The following ALG5 variants were observed in gnomAD, a reference collection of about 807,000 sequenced individuals.
The protein encoded by ALG5 is ALG5 dolichyl-phosphate beta-glucosyltransferase, also known as dolichyl-phosphate beta-glucosyltransferase.
A neutral mutation model predicts 51.8 loss-of-function variants in ALG5; 26 were observed. The observed-to-expected ratio is 0.50, with a 90% CI of 0.37 to 0.70. The LOEUF is 0.70. Among genes scored for constraint, ALG5 ranks in the 30% least tolerant of loss-of-function variants. ALG5 has a pLI of 0.00. For missense variants in ALG5, 311 were observed against 399.3 expected, an observed-to-expected ratio of 0.78 and a Z score of 1.88; for synonymous variants, 141 against 136.1, an observed-to-expected ratio of 1.04 and a Z score of -0.25.
At chr13:36,953,496 T>A (rs2058826902) in intron 8 of ALG5, among the ~76,000 whole-genome samples, 1 of 152,228 alleles carries the variant, frequency 6.6e-6, no homozygotes, top group Non-Finnish European at 1.5e-5. Flanking sequence ...ACCTGTTAAA[T>A]CTTCTTCATC....
intron 1 of ALG5, among the ~76,000 whole-genome samples, chr13:36,997,794 G>A (rs1268175171): frequency 6.6e-6 from 1 of 152,152 alleles, no homozygotes; most frequent in Non-Finnish European, 1.5e-5. Flanking sequence ...ATTCAGAAAG[G>A]AGGTGAGACT....
At chr13:36,955,062 G>A (rs1740366325) in intron 8 of ALG5, among the ~76,000 whole-genome samples, 1 of 152,208 alleles carries the variant, frequency 6.6e-6, no homozygotes, top group South Asian at 2.1e-4. Context: ...CACAGGTGGG[G>A]CTGCAAGTAG....
At chr13:36,986,053 C>T (rs555323937) in intron 5 of ALG5, among the ~76,000 whole-genome samples, 136 of 152,160 alleles carry the variant, frequency 8.9e-4, no homozygotes, top group African/African-American at 3.2e-3. Context: ...ACGGACAGTA[C>T]GTATCATACA....
chr13:36,959,236 G>A (rs1593659779), intron 8 of ALG5, among the ~76,000 whole-genome samples: 1 of 151,964 alleles, frequency 6.6e-6, no homozygotes, highest in East Asian at 1.9e-4. Flanking sequence ...ATGGTCAAAG[G>A]GTACAAAGCC....
At chr13:36,950,105 CA>C in intron 9 of ALG5, 48 bp from the exon 10 acceptor site, 1 of 1,213,488 alleles carries the variant, frequency 8.2e-7, no homozygotes, top group East Asian at 2.4e-5. Flanking sequence ...ATAAACTCAG[CA>C]GAAAACGTAT....
At chr13:36,960,252 T>C (rs924264197) in intron 8 of ALG5, among the ~76,000 whole-genome samples, 1 of 152,172 alleles carries the variant, frequency 6.6e-6, no homozygotes, top group Non-Finnish European at 1.5e-5. Flanking sequence ...GTTCTTAGCA[T>C]CGATTTCCTC....
intron 7 of ALG5, among the ~76,000 whole-genome samples, chr13:36,969,714 T>C (rs2138797060): frequency 6.6e-6 from 1 of 151,960 alleles, no homozygotes; most frequent in Non-Finnish European, 1.5e-5. Flanking sequence ...TTTGTATTTT[T>C]AGTAGAGATG....
chr13:36,960,592 C>T (rs2058861570), intron 8 of ALG5, among the ~76,000 whole-genome samples: 1 of 152,056 alleles, frequency 6.6e-6, no homozygotes, highest in African/African-American at 2.4e-5. Flanking sequence ...GTGCTCACTG[C>T]AGCCTTGACC....
In ALG5 at chr13:36,989,570, A is replaced by G; in HGVS notation, c.361T>C (p.Phe121Leu). The part of the protein sequence containing the change: ...GSKDQTSKVA[F>L]KYCQKYGSDK... ...CTTCCATATTTCTGGCAATATTTAA[A>G]AGCTACCTATGAAATTATATAAAAA... Residue 121 changes from phenylalanine (F) to leucine (L), a missense_variant, in exon 5 of 10, where the codon TTT becomes CTT. Coordinates refer to ENST00000239891, the MANE Select transcript of ALG5 (RefSeq NM_013338.5). The G allele has an allele frequency of 6.2e-7, 1 of 1,604,692 alleles. No homozygotes were observed.
intron 7 of ALG5, among the ~76,000 whole-genome samples, chr13:36,971,410 G>A (rs547370634): frequency 6.6e-6 from 1 of 152,178 alleles, no homozygotes; most frequent in East Asian, 1.9e-4. Flanking sequence ...ACTTTGGGAG[G>A]CTGAGGCAGG....
At chr13:36,995,991 C>G (rs888414974) in intron 1 of ALG5, among the ~76,000 whole-genome samples, 1 of 152,136 alleles carries the variant, frequency 6.6e-6, no homozygotes, top group Non-Finnish European at 1.5e-5. Flanking sequence ...AAGGTCCTAT[C>G]GCTACTTGGA....
intron 6 of ALG5, among the ~76,000 whole-genome samples, chr13:36,983,982 A>C (rs936443052): frequency 6.6e-6 from 1 of 152,102 alleles, no homozygotes; most frequent in African/African-American, 2.4e-5. Flanking sequence ...GGTTTTTGCT[A>C]TAACAGGATC....
At chr13:36,993,532 G>A (rs1247342766) in intron 4 of ALG5, 72 bp downstream of exon 4, 2 of 1,304,680 alleles carry the variant, frequency 1.5e-6, no homozygotes, top group African/African-American at 2.9e-5. Context: ...GTGAATGAAA[G>A]TGAGATTTCA....
chr13:36,956,771 GCAGTCTTACACTGCT>G (rs1214624927), intron 8 of ALG5, among the ~76,000 whole-genome samples: 1 of 152,060 alleles, frequency 6.6e-6, no homozygotes, highest in Non-Finnish European at 1.5e-5. Context: ...TTAAGAGGTG[GCAGTCTTACACTGCT>G]GGGATCATCA....
chr13:36,985,975 G>A (rs2059000195), intron 5 of ALG5, among the ~76,000 whole-genome samples: 1 of 151,966 alleles, frequency 6.6e-6, no homozygotes, highest in African/African-American at 2.4e-5. Flanking sequence ...CAAATATCTT[G>A]GAAAATACCA....
chr13:36,951,603 C>T (rs2058818130), intron 9 of ALG5, among the ~76,000 whole-genome samples: 1 of 152,096 alleles, frequency 6.6e-6, no homozygotes, highest in Non-Finnish European at 1.5e-5. Context: ...AAGGAGAAAA[C>T]TAGAATATGT....
intron 1 of ALG5, among the ~76,000 whole-genome samples, chr13:36,996,182 CA>C (rs2059049343): frequency 6.6e-6 from 1 of 152,202 alleles, no homozygotes; most frequent in Non-Finnish European, 1.5e-5. Flanking sequence ...ATTCAGAATA[CA>C]GCATTTACTG....
chr13:36,956,320 T>C (rs186503416), intron 8 of ALG5, among the ~76,000 whole-genome samples: 2 of 152,240 alleles, frequency 1.3e-5, no homozygotes, highest in African/African-American at 2.4e-5. Flanking sequence ...ATAAAAAAGA[T>C]GACACAACAA....
intron 7 of ALG5, among the ~76,000 whole-genome samples, chr13:36,970,296 G>C (rs373869851): frequency 4.6e-5 from 7 of 152,060 alleles, no homozygotes; most frequent in African/African-American, 1.7e-4. Context: ...TAGACTAGGT[G>C]CTAGTAAAAT....
Sources: gnomAD v4.1 joint callset for allele counts (sites outside exome capture counted in the v4.1 genomes callset) on GRCh38, gnomAD v4.1.1 for gene constraint, MANE v1.5 for transcripts, NCBI Gene and HGNC (gene_info 2026-07-23, HGNC 2026-07-21) for gene names.